The following C8A variants were observed in gnomAD, a reference collection of about 807,000 sequenced individuals.
The protein encoded by C8A is complement C8 alpha chain.
Under a neutral mutation model 65.3 loss-of-function variants are expected in C8A, and 67 were observed. The observed-to-expected ratio is 1.03, with a 90% confidence interval of 0.84 to 1.26. The LOEUF is 1.26. Ranked by LOEUF, C8A falls within the 50% of genes most tolerant of loss-of-function variation. C8A has a pLI of 0.00. For missense variants in C8A, 781 were observed against 723.9 expected, an observed-to-expected ratio of 1.08 and a Z score of -0.90; for synonymous variants, 290 against 259.4, an observed-to-expected ratio of 1.12 and a Z score of -1.13.
chr1:56,901,140 C>A (rs1439577191), intron 7 of C8A, among the ~76,000 whole-genome samples: 1 of 152,136 alleles, frequency 6.6e-6, no homozygotes, highest in Non-Finnish European at 1.5e-5. Flanking sequence ...TCCCAACTAG[C>A]CCAGCCACAC....
intron 9 of C8A, among the ~76,000 whole-genome samples, chr1:56,908,572 T>C (rs962909456): frequency 9.2e-5 from 14 of 152,192 alleles, no homozygotes; most frequent in Admixed American, 7.9e-4. Context: ...ATCAAATCTC[T>C]TTAAAAATAT....
At chr1:56,894,496 G>A (rs1288052463) in intron 7 of C8A, among the ~76,000 whole-genome samples, 1 of 152,100 alleles carries the variant, frequency 6.6e-6, no homozygotes, top group Non-Finnish European at 1.5e-5. Context: ...GTGACCCTGG[G>A]AAAGACCCTT....
In C8A at chr1:56,912,456, C is replaced by G. The variant is rs537553560; in HGVS notation, c.1434C>G (p.Ala478=). ...LRHTSLGPLE[A]KRQNLRRALD... ...ACACAAGCCTGGGGCCTCTGGAGGCCAAGCGCCAGAACCTGCGCCGCGCCT... is the reference window on the plus strand; with the variant it reads ...ACACAAGCCTGGGGCCTCTGGAGGCGAAGCGCCAGAACCTGCGCCGCGCCT... Residue 478 remains alanine, a synonymous_variant, in exon 10 of 11, where the codon GCC becomes GCG. Transcript: ENST00000361249. The G allele has an allele frequency of 6.1e-5, 99 of 1,614,238 alleles. No homozygotes were observed. The highest frequency in any genetic ancestry group is 1.5e-4 in the South Asian group (14 of 91,086).
chr1:56,861,935 A>G (rs933196944), intron 1 of C8A, among the ~76,000 whole-genome samples: 2 of 152,206 alleles, frequency 1.3e-5, no homozygotes, highest in African/African-American at 2.4e-5. Context: ...AATGCTGAAG[A>G]GGCCACATTC....
rs1295858576 is a variant in C8A, at chr1:56,911,071, T to TG, written c.1381-1332_1381-1331insG. On this transcript the variant is annotated intron_variant, in intron 9 of 10. Coordinates refer to ENST00000361249, the MANE Select transcript of C8A (RefSeq NM_000562.3). The stretch of plus-strand genomic sequence containing the variant: ...TGCAATTTGAAAAACATGGGTTTTT[T>TG]TTTTTTTTTTACTATTATCACATAC... 2.1e-5 allele frequency among the ~76,000 whole-genome samples: 3 copies of TG among 145,800 alleles called. No homozygotes were observed. In the East Asian group the frequency reaches 5.8e-4, roughly 28 times the overall value.
chr1:56,909,072 T>A (rs1487682637), intron 9 of C8A, among the ~76,000 whole-genome samples: 1 of 152,218 alleles, frequency 6.6e-6, no homozygotes. Context: ...GCCTCAAGTG[T>A]CAATACTGCC....
In C8A at chr1:56,912,545, C is replaced by G; in HGVS notation, c.1523C>G (p.Pro508Arg). ...GGGCCTTGCTTCAACAATGGGGTGC[C>G]CATCCTCGAGGGCACCAGCTGCAGG... is the stretch of plus-strand genomic sequence containing the variant. ...RCGPCFNNGV[P>R]ILEGTSCRCQ... The change falls in exon 10 of 11, where the codon CCC (proline) becomes CGC (arginine). Residue 508 changes from proline to arginine, a missense_variant. Coordinates refer to ENST00000361249, the MANE Select transcript of C8A (RefSeq NM_000562.3). The G allele has an allele frequency of 6.2e-7, 1 of 1,614,178 alleles. No homozygotes were observed. Among genetic ancestry groups the G allele is most frequent in the South Asian group, 1.1e-5 (1 of 91,086 alleles).
intron 7 of C8A, among the ~76,000 whole-genome samples, chr1:56,902,805 T>C (rs955877063): frequency 5.3e-5 from 8 of 152,172 alleles, no homozygotes; most frequent in African/African-American, 1.9e-4. Flanking sequence ...AATCGCATTG[T>C]CACATATGGC....
At chr1:56,901,908 C>T (rs1644429506) in intron 7 of C8A, among the ~76,000 whole-genome samples, 1 of 152,152 alleles carries the variant, frequency 6.6e-6, no homozygotes, top group Admixed American at 6.5e-5. Context: ...CCACACTTGA[C>T]TCTCAGCTCA....
intron 1 of C8A, among the ~76,000 whole-genome samples, chr1:56,859,490 A>G (rs2101184457): frequency 6.6e-6 from 1 of 152,378 alleles, no homozygotes; most frequent in South Asian, 2.1e-4. Flanking sequence ...AGGTTTGGCC[A>G]GATGAATGAG....
In C8A at chr1:56,855,200, T is replaced by A. The variant is rs957763273; in HGVS notation, c.77+222T>A. Among the ~76,000 whole-genome samples the A allele has an allele frequency of 4.6e-5, 7 of 152,202 alleles. No individual in the cohort carries two copies. In the South Asian group the frequency reaches 1.4e-3, roughly 31 times the overall value. ...ACAGCTCTAATGCTTAGAAGCTGAA[T>A]AATTCAGGGTAAATCATCTCATCGG... On this transcript the variant is annotated intron_variant, in intron 1 of 10. Coordinates refer to ENST00000361249, the MANE Select transcript of C8A (RefSeq NM_000562.3).
chr1:56,881,401 C>A (rs974776310), intron 4 of C8A, 44 bp from the exon 5 acceptor site: 4 of 1,597,552 alleles, frequency 2.5e-6, no homozygotes, highest in Non-Finnish European at 3.4e-6. Context: ...AGGTATAAAA[C>A]CCAGCATCCA....
chr1:56,899,240 C>T (rs1265505412), intron 7 of C8A, among the ~76,000 whole-genome samples: 1 of 152,168 alleles, frequency 6.6e-6, no homozygotes, highest in African/African-American at 2.4e-5. Flanking sequence ...TCTAATATCA[C>T]TGAGAACAGC....
intron 9 of C8A, among the ~76,000 whole-genome samples, chr1:56,910,962 T>C (rs1451769321): frequency 6.6e-6 from 1 of 151,802 alleles, no homozygotes; most frequent in African/African-American, 2.4e-5. Context: ...CTCCTTAAAA[T>C]GAGAGATCTG....
intron 10 of C8A, among the ~76,000 whole-genome samples, chr1:56,914,518 A>G (rs1644536160): frequency 6.6e-6 from 1 of 152,134 alleles, no homozygotes; most frequent in Non-Finnish European, 1.5e-5. Flanking sequence ...ACAAATACCA[A>G]TTTCTTTAGG....
chr1:56,891,699 A>G (rs1170499496), intron 7 of C8A, among the ~76,000 whole-genome samples: 4 of 152,098 alleles, frequency 2.6e-5, no homozygotes, highest in African/African-American at 9.7e-5. Context: ...TTGTATTTTT[A>G]TCATAGACAC....
At chr1:56,882,887 T>A (rs2101236041) in intron 5 of C8A, among the ~76,000 whole-genome samples, 1 of 152,274 alleles carries the variant, frequency 6.6e-6, no homozygotes, top group East Asian at 1.9e-4. Context: ...ACTCAGGGAC[T>A]CAAGGTAATG....
At chr1:56,885,279 T>G (rs1644280714) in intron 6 of C8A, among the ~76,000 whole-genome samples, 1 of 143,612 alleles carries the variant, frequency 7.0e-6, no homozygotes, top group African/African-American at 2.6e-5. Flanking sequence ...TATAAATATA[T>G]ATTTACATAA....
At chr1:56,885,184 C>G (rs1332247645) in intron 6 of C8A, among the ~76,000 whole-genome samples, 1 of 150,886 alleles carries the variant, frequency 6.6e-6, no homozygotes, top group African/African-American at 2.4e-5. Context: ...TGGGGGAAGT[C>G]TGGCACACAT....
Sources: gnomAD v4.1 joint callset for allele counts (sites outside exome capture counted in the v4.1 genomes callset) on GRCh38, gnomAD v4.1.1 for gene constraint, MANE v1.5 for transcripts, NCBI Gene and HGNC (gene_info 2026-07-23, HGNC 2026-07-21) for gene names.